The following DNAI1 variants were observed in gnomAD, a reference collection of about 807,000 sequenced individuals.
The protein encoded by DNAI1 is dynein axonemal intermediate chain 1.
DNAI1 carries 67 observed loss-of-function variants against 92.0 expected under a neutral mutation model. That is an observed-to-expected ratio of 0.73 (90% CI 0.60 to 0.89). The LOEUF is 0.89. Ranked by LOEUF, DNAI1 falls within the 40% of genes least tolerant of loss-of-function variation. DNAI1 has a pLI of 0.00. For missense variants in DNAI1, 839 were observed against 866.6 expected, an observed-to-expected ratio of 0.97 and a Z score of 0.40; for synonymous variants, 323 against 319.6, an observed-to-expected ratio of 1.01 and a Z score of -0.11.
intron 7 of DNAI1, among the ~76,000 whole-genome samples, 162 bp downstream of exon 7, chr9:34,490,650 G>T (rs1824571997): frequency 6.6e-6 from 1 of 152,210 alleles, no homozygotes. Context: ...CATGTGTTCA[G>T]GTCTCTGTAA....
intron 12 of DNAI1, among the ~76,000 whole-genome samples, chr9:34,506,115 C>A (rs182282206): frequency 6.6e-6 from 1 of 152,250 alleles, no homozygotes; most frequent in East Asian, 1.9e-4. Context: ...ATCTAGGGCT[C>A]AGGCTGAACC....
chr9:34,517,122 A>G (rs1307212585), intron 18 of DNAI1, among the ~76,000 whole-genome samples, 163 bp from the exon 19 acceptor site: 1 of 152,126 alleles, frequency 6.6e-6, no homozygotes, highest in East Asian at 1.9e-4. Context: ...CAACCATAGG[A>G]AAAACACAGA....
intron 18 of DNAI1, among the ~76,000 whole-genome samples, chr9:34,515,995 A>G (rs1443794056): frequency 6.6e-6 from 1 of 152,168 alleles, no homozygotes; most frequent in African/African-American, 2.4e-5. Flanking sequence ...GAAAAAGAAA[A>G]AAAGAAAAAG....
chr9:34,476,994 G>A (rs1036110507), intron 1 of DNAI1, among the ~76,000 whole-genome samples: 9 of 152,128 alleles, frequency 5.9e-5, no homozygotes, highest in African/African-American at 2.2e-4. Flanking sequence ...GGCGGAGGGT[G>A]GGCTCTTGGA....
intron 18 of DNAI1, 46 bp from the exon 19 acceptor site, chr9:34,517,239 A>G: frequency 6.2e-7 from 1 of 1,600,156 alleles, no homozygotes. Flanking sequence ...GAGGTGGAAG[A>G]CAGGCCTCAT....
rs1564033537 is a variant in DNAI1 at position 34,491,550 on chromosome 9, A to G, written c.677A>G (p.Asn226Ser). ...AGGACAAACTTTTCAGCCACAGCCA[A>G]TCAGGTAAGACCCTGGGCCAGCCTG... The part of the protein sequence containing the change: ...PPRTNFSATA[N>S]QWEIYDAYVE... Residue 226 changes from asparagine to serine, a missense_variant, in exon 8 of 20, where the codon AAT (asparagine) becomes AGT (serine). Physicochemically the swap from Asn to Ser is conservative, Grantham distance 46 (BLOSUM62 1). Transcript: ENST00000242317. 5 of 1,614,144 alleles carry G rather than the reference A, an allele frequency of 3.1e-6. No homozygotes were observed. In the South Asian group the frequency reaches 3.3e-5, roughly 11 times the overall value.
At chr9:34,460,371 G>C (rs1180088674) in intron 1 of DNAI1, among the ~76,000 whole-genome samples, 2 of 152,198 alleles carry the variant, frequency 1.3e-5, no homozygotes, top group Non-Finnish European at 2.9e-5. Flanking sequence ...CCCCACTCAA[G>C]TCTAGGTACA....
At position 34,514,447 on chromosome 9, in the gene DNAI1, G is replaced by A. The variant is rs775854024; in HGVS notation, c.1623G>A (p.Met541Ile). 10 of 1,614,186 alleles carry A rather than the reference G, an allele frequency of 6.2e-6. No individual in the cohort carries two copies. Among genetic ancestry groups the A allele is most frequent in the Non-Finnish European group, 8.5e-6 (10 of 1,180,036 alleles). ...QFLDTYDAHN[M>I]SVDTVSWNPY... The stretch of plus-strand genomic sequence containing the variant: ...TCGACACCTATGACGCCCACAACAT[G>A]TCAGTGGACACTGTGTCCTGGAACC... Residue 541 changes from methionine to isoleucine, a missense_variant, in exon 17 of 20, where the codon ATG (methionine) becomes ATA (isoleucine). By Grantham distance (10) the Met-to-Ile change is conservative (BLOSUM62 1). Transcript: ENST00000242317.
Position 34,501,127 on chromosome 9 carries a change from T to C in DNAI1, c.1020-11T>C. 2 of 1,612,384 alleles carry C rather than the reference T, an allele frequency of 1.2e-6. No homozygotes were observed. The highest frequency in any genetic ancestry group is 1.7e-6 in the Non-Finnish European group (2 of 1,178,380). On this transcript the variant is annotated splice_polypyrimidine_tract_variant and intron_variant, in intron 11 of 19. Coordinates refer to ENST00000242317, the MANE Select transcript of DNAI1 (RefSeq NM_012144.4). ...TTTCCTATGCCAATGGATTCATATT[T>C]TTTTTTGCAGGAATCCAAAGTACAG...
chr9:34,496,293 C>T (rs1347709452), intron 9 of DNAI1, among the ~76,000 whole-genome samples: 1 of 152,208 alleles, frequency 6.6e-6, no homozygotes, highest in Admixed American at 6.5e-5. Context: ...TCTGAGACAT[C>T]GAATCCTTGG....
At chr9:34,477,622 A>G (rs1219717793) in intron 1 of DNAI1, among the ~76,000 whole-genome samples, 1 of 152,170 alleles carries the variant, frequency 6.6e-6, no homozygotes, top group Non-Finnish European at 1.5e-5. Flanking sequence ...GAAAGATATT[A>G]AAGAAATAGA....
intron 1 of DNAI1, chr9:34,478,794 T>C (rs187781656): frequency 1.3e-5 from 2 of 152,338 alleles, no homozygotes; most frequent in Non-Finnish European, 2.9e-5. Flanking sequence ...CTTTGGTCAA[T>C]AGCATAAGAA....
At chr9:34,495,798 C>T (rs1423828978) in intron 9 of DNAI1, among the ~76,000 whole-genome samples, 2 of 152,180 alleles carry the variant, frequency 1.3e-5, no homozygotes, top group African/African-American at 4.8e-5. Flanking sequence ...GGGAGAGTCA[C>T]ACTTACCAGG....
intron 8 of DNAI1, 128 bp downstream of exon 8, chr9:34,491,682 C>A (rs1824598994): frequency 1.0e-6 from 1 of 982,694 alleles, no homozygotes; most frequent in Non-Finnish European, 1.6e-6. Flanking sequence ...TACTTGCCTC[C>A]CTGCTCACTG....
At chr9:34,467,417 G>A (rs373304040) in intron 1 of DNAI1, among the ~76,000 whole-genome samples, 12 of 147,660 alleles carry the variant, frequency 8.1e-5, no homozygotes, top group African/African-American at 3.0e-4. Context: ...GGACAACACA[G>A]CAAGACCCCA....
In DNAI1 at chr9:34,485,178, G is replaced by C; in HGVS notation, c.118G>C (p.Asp40His). 2.5e-6 allele frequency: 4 copies of C among 1,614,210 alleles called. No individual in the cohort carries two copies. The highest frequency in any genetic ancestry group is 3.4e-6 in the Non-Finnish European group (4 of 1,180,032). ...DSGTEVGEGT[D>H]EWAQSKATVR... The stretch of plus-strand genomic sequence containing the variant: ...AGGGACTGAAGTGGGAGAAGGCACA[G>C]ATGAATGGGCCCAATCCAAAGCCAC... Residue 40 changes from aspartate to histidine, a missense_variant, in exon 3 of 20, where the codon GAT (aspartate) becomes CAT (histidine). By Grantham distance (81) the Asp-to-His change is moderately conservative. Transcript: ENST00000242317.
At chr9:34,501,548 G>T (rs1301457645) in intron 12 of DNAI1, among the ~76,000 whole-genome samples, 1 of 152,230 alleles carries the variant, frequency 6.6e-6, no homozygotes, top group Non-Finnish European at 1.5e-5. Flanking sequence ...AAAAAGCTTG[G>T]ATCTTCTCCT....
chr9:34,484,446 G>A (rs1824432731), intron 2 of DNAI1, among the ~76,000 whole-genome samples: 1 of 152,182 alleles, frequency 6.6e-6, no homozygotes, highest in African/African-American at 2.4e-5. Context: ...ACAGCCCCAT[G>A]AATGCTGGAT....
chr9:34,482,815 A>C (rs959728732), intron 1 of DNAI1, among the ~76,000 whole-genome samples: 2 of 152,222 alleles, frequency 1.3e-5, no homozygotes, highest in African/African-American at 4.8e-5. Flanking sequence ...GGAGCAGAGG[A>C]TGGTGCTCGT....
Sources: allele counts gnomAD v4.1 joint callset (sites outside exome capture counted in the v4.1 genomes callset), GRCh38; gene constraint gnomAD v4.1.1; transcripts MANE v1.5; gene names NCBI Gene and HGNC (gene_info 2026-07-23, HGNC 2026-07-21).